The following AQP2 variants were observed in gnomAD, a reference collection of about 807,000 sequenced individuals.
AQP2 encodes aquaporin 2.
AQP2 carries 20 observed loss-of-function variants against 21.6 expected under a neutral mutation model. That is an observed-to-expected ratio of 0.92 (90% confidence interval 0.65 to 1.34). The LOEUF is 1.34. AQP2 is among the 40% of genes most tolerant of loss of function. The pLI is 0.00. For synonymous variants in AQP2, 168 were observed against 166.9 expected (o/e 1.01, Z -0.05); for missense variants, 325 against 363.4 (o/e 0.89, Z 0.86).
At position 49,954,686 on chromosome 12, in the gene AQP2, C is replaced by T. The variant is rs765082621; in HGVS notation, c.582C>T (p.Val194=). The change falls in exon 3 of 4, where the codon GTC becomes GTT. Residue 194 remains valine, a synonymous_variant. Transcript: ENST00000199280. ...NPARSLAPAV[V]TGKFDDHWVF... is the part of the protein sequence containing the mutation. ...CCCGCTCCCTGGCTCCAGCTGTCGT[C>T]ACTGGCAAATTTGATGACCACTGGG... is the stretch of plus-strand genomic sequence containing the variant. 8 of 1,614,178 alleles carry T rather than the reference C, an allele frequency of 5.0e-6. No individual in the cohort carries two copies. The highest frequency in any genetic ancestry group is 5.9e-6 in the Non-Finnish European group (7 of 1,180,022).
In AQP2 at chr12:49,950,816, G is replaced by A. The variant is rs780251337; in HGVS notation, c.-15G>A. ...GCCCTGAGACAGCTGGGCCAGCCCCGCAGGGCTCTGCAGCATGTGGGAGCT... is the reference window on the plus strand; with the variant it reads ...GCCCTGAGACAGCTGGGCCAGCCCCACAGGGCTCTGCAGCATGTGGGAGCT... On this transcript the variant is annotated 5_prime_UTR_variant, in exon 1 of 4. Transcript: ENST00000199280. The A allele has an allele frequency of 1.1e-4, 173 of 1,605,814 alleles. No homozygotes were observed. Among genetic ancestry groups the A allele is most frequent in the Non-Finnish European group, 1.4e-4 (167 of 1,174,466 alleles).
chr12:49,955,452 C>T lies in AQP2; in HGVS notation c.660C>T (p.Asn220=), dbSNP rs1947360550. 1 of 1,612,726 alleles carries T rather than the reference C, an allele frequency of 6.2e-7. No homozygotes were observed. Among genetic ancestry groups the T allele is most frequent in the Admixed American group, 1.7e-5 (1 of 60,010 alleles). ...VGAILGSLLY[N]YVLFPPAKSL... Reference sequence around the variant, plus strand: ...CCATCCTGGGCTCCCTCCTCTACAACTACGTGCTGTTTCCGCCAGCCAAGA... The same window carrying T: ...CCATCCTGGGCTCCCTCCTCTACAATTACGTGCTGTTTCCGCCAGCCAAGA... The change falls in exon 4 of 4, where the codon AAC becomes AAT. Residue 220 remains asparagine (N), a synonymous_variant. Coordinates refer to ENST00000199280, the MANE Select transcript of AQP2 (RefSeq NM_000486.6).
At position 49,951,296 on chromosome 12, in the gene AQP2, G is replaced by A. The variant is rs3782319; in HGVS notation, c.360+106G>A. On this transcript the variant is annotated intron_variant, in intron 1 of 3. Transcript: ENST00000199280. ...TCTGGGTGATGTAGGGAGAGAGATG[G>A]AGACAGAGGCAGAGAGAGAGGCTGG... 262,671 of 1,427,402 alleles carry A rather than the reference G, an allele frequency of 0.18. 26,626 individuals are homozygous for A. Among genetic ancestry groups the A allele is most frequent in the Non-Finnish European group, 0.21 (222,208 of 1,075,806 alleles). The allele number at this position is 1,427,402 out of a possible 1,614,324, so 88.4% of individuals were successfully genotyped here.
chr12:49,955,560 G>A lies in AQP2; in HGVS notation c.768G>A (p.Ser256=), dbSNP rs771955610. ...WEEREVRRRQ[S]VELHSPQSLP... is the part of the protein sequence containing the mutation. The stretch of plus-strand genomic sequence containing the variant: ...AGCGCGAGGTGCGACGGCGGCAGTC[G>A]GTGGAGCTGCACTCGCCGCAGAGCC... Residue 256 remains serine, a synonymous_variant, in exon 4 of 4, where the codon TCG becomes TCA. Transcript: ENST00000199280. 3.1e-6 allele frequency: 5 copies of A among 1,600,108 alleles called. No homozygotes were observed. Among genetic ancestry groups the A allele is most frequent in the East Asian group, 2.3e-5 (1 of 44,440 alleles).
In AQP2 at chr12:49,951,134, G is replaced by C; in HGVS notation, c.304G>C (p.Ala102Pro). The C allele has an allele frequency of 6.2e-7, 1 of 1,606,080 alleles. No homozygotes were observed. Among genetic ancestry groups the C allele is most frequent in the Non-Finnish European group, 8.5e-7 (1 of 1,174,670 alleles). ...GCTGCTGGGGGCTGTGGCCGGAGCC[G>C]CTCTGCTCCATGAGATCACGCCAGC... ...AQLLGAVAGAALLHEITPADI... is the reference protein window; with the variant it reads ...AQLLGAVAGAPLLHEITPADI... Residue 102 changes from alanine to proline, a missense_variant, in exon 1 of 4, where the codon GCT becomes CCT. Transcript: ENST00000199280.
rs1160253480 is a variant in AQP2 at position 49,955,740 on chromosome 12, G to A, written c.*132G>A. The A allele has an allele frequency of 8.3e-7, 1 of 1,207,228 alleles. No homozygotes were observed. The highest frequency in any genetic ancestry group is 1.2e-6 in the Non-Finnish European group (1 of 850,764). 74.8% of individuals were successfully genotyped at this position (1,207,228 alleles called of 1,614,324 possible). ...CAGAGTAGCTGCTTCCTGGACGTGCGCGCCCAGGCCAGTGCTGTGAGCAGG... is the reference window on the plus strand; with the variant it reads ...CAGAGTAGCTGCTTCCTGGACGTGCACGCCCAGGCCAGTGCTGTGAGCAGG... On this transcript the variant is annotated 3_prime_UTR_variant, in exon 4 of 4. Coordinates refer to ENST00000199280, the MANE Select transcript of AQP2 (RefSeq NM_000486.6).
At chr12:49,954,785 T>G in intron 3 of AQP2, 75 bp downstream of exon 3, 2 of 1,518,720 alleles carry the variant, frequency 1.3e-6, no homozygotes, top group Non-Finnish European at 1.8e-6. Flanking sequence ...TGGAATAGCA[T>G]GGGATGGGGG....
intron 1 of AQP2, among the ~76,000 whole-genome samples, chr12:49,952,434 C>T (rs1947336910): frequency 6.6e-6 from 1 of 152,178 alleles, no homozygotes; most frequent in South Asian, 2.1e-4. Flanking sequence ...GAAAATATGA[C>T]AAGGCTGGGG....
chr12:49,954,974 G>A (rs1342885398), intron 3 of AQP2, among the ~76,000 whole-genome samples: 2 of 152,226 alleles, frequency 1.3e-5, no homozygotes, highest in African/African-American at 4.8e-5. Flanking sequence ...CCCAGATAAT[G>A]CAGTGTCTGG....
At chr12:49,953,283 G>T (rs190316302) in intron 1 of AQP2, among the ~76,000 whole-genome samples, 1 of 152,214 alleles carries the variant, frequency 6.6e-6, no homozygotes, top group East Asian at 1.9e-4. Flanking sequence ...GAGAAAGAGC[G>T]TGGGAGCTGA....
rs776113571 is a variant in AQP2 at position 49,955,359 on chromosome 12, C to T, written c.607-40C>T. The T allele has an allele frequency of 3.1e-6, 5 of 1,597,452 alleles. No individual in the cohort carries two copies. The Admixed American group carries it at 6.7e-5, about 22-fold the overall frequency. ...GGCCTGCGGGCTCCGCGTGCCGGTG[C>T]CGGCGCGGGTGCCAAGCCGCCCTCT... On this transcript the variant is annotated intron_variant, in intron 3 of 3. Transcript: ENST00000199280.
rs1033435242 is a variant in AQP2 at position 49,957,700 on chromosome 12, G to A, written c.*2092G>A. The stretch of plus-strand genomic sequence containing the variant: ...CCCAATAGCTAGTGACAGCCACTTG[G>A]CCTCACTACCAGAAGAAGGGTGGAG... On this transcript the variant is annotated 3_prime_UTR_variant, in exon 4 of 4. Coordinates refer to ENST00000199280, the MANE Select transcript of AQP2 (RefSeq NM_000486.6). 29 of 152,198 alleles carry A rather than the reference G, an allele frequency of 1.9e-4. No individual in the cohort carries two copies. The highest frequency in any genetic ancestry group is 5.6e-4 in the African/African-American group (23 of 41,432). 9.4% of individuals were successfully genotyped at this position (152,198 alleles called of 1,614,324 possible).
In AQP2 at chr12:49,954,143, C is replaced by T; in HGVS notation, c.361-12C>T. Reference sequence around the variant, plus strand: ...CTCAGTGTTCCCCTACCCGCCTCTTCTCTGTCCCCAGCTCAGCAACAGCAC... The same window carrying T: ...CTCAGTGTTCCCCTACCCGCCTCTTTTCTGTCCCCAGCTCAGCAACAGCAC... On this transcript the variant is annotated splice_polypyrimidine_tract_variant and intron_variant, in intron 1 of 3. Coordinates refer to ENST00000199280, the MANE Select transcript of AQP2 (RefSeq NM_000486.6). The T allele has an allele frequency of 1.3e-6, 2 of 1,598,100 alleles. No individual in the cohort carries two copies. Among genetic ancestry groups the T allele is most frequent in the Non-Finnish European group, 1.7e-6 (2 of 1,179,916 alleles).
rs1176881885 is a variant in AQP2, at chr12:49,955,941, G to A, written c.*333G>A. 3.8e-6 allele frequency: 2 copies of A among 526,910 alleles called. No homozygotes were observed. The highest frequency in any genetic ancestry group is 1.9e-5 in the African/African-American group (1 of 52,582). The allele number at this position is 526,910 out of a possible 1,614,324, so 32.6% of individuals were successfully genotyped here. A position where few individuals can be genotyped will look rare whatever the true frequency, so the allele number is the denominator to read the frequency against. ...GAAACTCTGGAGAGCCTGCACCCAGGTACTGAGTGGGGAGTGTACAGACCC... is the reference window on the plus strand; with the variant it reads ...GAAACTCTGGAGAGCCTGCACCCAGATACTGAGTGGGGAGTGTACAGACCC... On this transcript the variant is annotated 3_prime_UTR_variant, in exon 4 of 4. Transcript: ENST00000199280.
rs754388502 is a variant in AQP2, at chr12:49,951,164, A to G, written c.334A>G (p.Ile112Val). The G allele has an allele frequency of 6.2e-7, 1 of 1,606,226 alleles. No individual in the cohort carries two copies. Among genetic ancestry groups the G allele is most frequent in the Non-Finnish European group, 8.5e-7 (1 of 1,175,784 alleles). The stretch of plus-strand genomic sequence containing the variant: ...GCTCCATGAGATCACGCCAGCAGAC[A>G]TCCGCGGGGACCTGGCTGTCAATGC... ...ALLHEITPAD[I>V]RGDLAVNALS... The change falls in exon 1 of 4, where the codon ATC becomes GTC. Residue 112 changes from isoleucine (I) to valine (V), a missense_variant. By Grantham distance (29) the Ile-to-Val change is conservative (BLOSUM62 3). Coordinates refer to ENST00000199280, the MANE Select transcript of AQP2 (RefSeq NM_000486.6).
chr12:49,955,697 G>T lies in AQP2; in HGVS notation c.*89G>T. The T allele has an allele frequency of 4.8e-6, 7 of 1,465,184 alleles. No homozygotes were observed. The highest frequency in any genetic ancestry group is 6.4e-6 in the Non-Finnish European group (7 of 1,085,308). 90.8% of individuals were successfully genotyped at this position (1,465,184 alleles called of 1,614,324 possible). A position where few individuals can be genotyped will look rare whatever the true frequency, so the allele number is the denominator to read the frequency against. On this transcript the variant is annotated 3_prime_UTR_variant, in exon 4 of 4. Transcript: ENST00000199280. Reference sequence around the variant, plus strand: ...CCCGTCCCTCCTCTCCCGCAGGTCTGAAGTTGGCCCCCCAGCGCAGAGTAG... The same window carrying T: ...CCCGTCCCTCCTCTCCCGCAGGTCTTAAGTTGGCCCCCCAGCGCAGAGTAG...
Position 49,950,992 on chromosome 12 carries a change from C to A in AQP2, c.162C>A (p.Thr54=), listed in dbSNP as rs143497314. The A allele has an allele frequency of 1.2e-6, 2 of 1,614,166 alleles. No homozygotes were observed. The highest frequency in any genetic ancestry group is 8.5e-7 in the Non-Finnish European group (1 of 1,180,038). The change falls in exon 1 of 4, where the codon ACC becomes ACA. Residue 54 remains threonine, a synonymous_variant. Transcript: ENST00000199280. ...TGGCGTTTGGCTTGGGTATTGGCAC[C>A]CTGGTACAGGCTCTGGGCCACATAA... ...IAMAFGLGIG[T]LVQALGHISG...
At chr12:49,954,552 A>G (rs1052747061) in intron 2 of AQP2, 78 bp from the exon 3 acceptor site, 2 of 1,529,636 alleles carry the variant, frequency 1.3e-6, no homozygotes, top group African/African-American at 2.7e-5. Context: ...GCTGAGGTCA[A>G]GCACTGCAGT....
chr12:49,954,820 C>T (rs1375632134), intron 3 of AQP2, 110 bp downstream of exon 3: 2 of 1,230,968 alleles, frequency 1.6e-6, no homozygotes, highest in Non-Finnish European at 2.4e-6. Flanking sequence ...CCCAAACCCT[C>T]CACACTCCTC....
Sources: gnomAD v4.1 joint callset for allele counts (sites outside exome capture counted in the v4.1 genomes callset) on GRCh38, gnomAD v4.1.1 for gene constraint, MANE v1.5 for transcripts, NCBI Gene and HGNC (gene_info 2026-07-23, HGNC 2026-07-21) for gene names.